The following SHISA9 variants were observed in gnomAD, a reference collection of about 807,000 sequenced individuals.
SHISA9 encodes the protein protein shisa-9.
A neutral mutation model predicts 38.0 loss-of-function variants in SHISA9; 13 were observed. The observed-to-expected ratio is 0.34, with a 90% CI of 0.22 to 0.54. The LOEUF (loss-of-function observed/expected upper bound fraction) is 0.54. SHISA9 is among the 20% of genes least tolerant of loss of function. SHISA9 has a pLI of 0.91. For synonymous variants in SHISA9, 275 were observed against 242.0 expected, an observed-to-expected ratio of 1.14 and a Z score of -1.27; for missense variants, 538 against 575.8, an observed-to-expected ratio of 0.93 and a Z score of 0.67.
chr16:13,412,939 T>C, the SHISA9 span, among the ~76,000 whole-genome samples: 8 of 152,054 alleles, frequency 5.3e-5, no homozygotes, highest in Non-Finnish European at 7.4e-5. Flanking sequence ...AAATGTGATA[T>C]GCTTTGGAAA....
chr16:13,227,266 A>C (rs182659086), intron 4 of SHISA9, among the ~76,000 whole-genome samples: 24 of 152,370 alleles, frequency 1.6e-4, no homozygotes, highest in Non-Finnish European at 3.2e-4. Context: ...AATGGATTAC[A>C]GGAGGTGAAA....
In SHISA9 at chr16:13,177,773, G is replaced by A. The variant is rs180785670; in HGVS notation, c.692-25621G>A. Among the ~76,000 whole-genome samples the A allele has an allele frequency of 1.3e-3, 205 of 152,178 alleles. 1 individual carries two copies. Among genetic ancestry groups the A allele is most frequent in the Non-Finnish European group, 1.5e-3 (104 of 68,002 alleles). ...CAACCTCTGCCTCCTGTGTTCAAGC[G>A]ATTCTCCTGCCTCAGCCTCCCGAGT... On this transcript the variant is annotated intron_variant, in intron 2 of 4. Transcript: ENST00000558583.
the SHISA9 span, among the ~76,000 whole-genome samples, chr16:13,354,628 A>G: frequency 1.4e-4 from 20 of 143,978 alleles, no homozygotes; most frequent in Admixed American, 1.3e-3. Context: ...GAGGGCCTCT[A>G]AAAGTATTAA....
At chr16:13,368,279 A>C in the SHISA9 span, among the ~76,000 whole-genome samples, 3 of 152,138 alleles carry the variant, frequency 2.0e-5, no homozygotes, top group African/African-American at 7.2e-5. Context: ...GTGAGGTGAG[A>C]AAAGGGGGAT....
intron 4 of SHISA9, among the ~76,000 whole-genome samples, chr16:13,230,247 G>T (rs576615750): frequency 6.6e-6 from 1 of 152,188 alleles, no homozygotes; most frequent in Admixed American, 6.5e-5. Flanking sequence ...AGTACATGGT[G>T]GGTACCTGTT....
intron 1 of SHISA9, chr16:12,910,782 A>T (rs1333727105): frequency 1.0e-6 from 1 of 963,970 alleles, no homozygotes; most frequent in Non-Finnish European, 1.2e-6. Flanking sequence ...GAGATTCATT[A>T]TAAGGAATTG....
At chr16:13,379,132 T>C in the SHISA9 span, among the ~76,000 whole-genome samples, 3 of 152,288 alleles carry the variant, frequency 2.0e-5, no homozygotes, top group East Asian at 5.8e-4. Flanking sequence ...GCTGGAAAGC[T>C]GCTTAACTCA....
chr16:12,963,073 C>A (rs2071931803), intron 2 of SHISA9, among the ~76,000 whole-genome samples: 1 of 152,222 alleles, frequency 6.6e-6, no homozygotes, highest in African/African-American at 2.4e-5. Context: ...CACAATCACA[C>A]CCCTTTCTGC....
downstream of SHISA9, among the ~76,000 whole-genome samples, chr16:13,242,902 C>T (rs1051464388): frequency 6.6e-6 from 1 of 152,128 alleles, no homozygotes; most frequent in Non-Finnish European, 1.5e-5. Context: ...GCCAGGTACT[C>T]GGTGTAGACC....
At chr16:13,536,213 G>C in the SHISA9 span, among the ~76,000 whole-genome samples, 1 of 152,102 alleles carries the variant, frequency 6.6e-6, no homozygotes, top group African/African-American at 2.4e-5. Context: ...TGGCCAGGCT[G>C]GTCTCAAATT....
intron 3 of SHISA9, among the ~76,000 whole-genome samples, chr16:13,204,183 TTCTA>T (rs1057506990): frequency 6.6e-6 from 1 of 150,676 alleles, no homozygotes; most frequent in African/African-American, 2.4e-5. Flanking sequence ...TCTATCATCT[TTCTA>T]TCTACCTATT....
At chr16:13,015,910 T>TTCTTTCTTTCTTTC in intron 2 of SHISA9, among the ~76,000 whole-genome samples, 1 of 107,802 alleles carries the variant, frequency 9.3e-6, no homozygotes, top group South Asian at 3.3e-4. Flanking sequence ...TTCTTTCTTT[T>TTCTTTCTTTCTTTC]CTTTCTTTCT....
the SHISA9 span, among the ~76,000 whole-genome samples, chr16:13,520,694 C>T: frequency 2.7e-5 from 4 of 149,968 alleles, no homozygotes; most frequent in African/African-American, 9.8e-5. Context: ...AGCAGAAAAG[C>T]CAAGGAGAAG....
chr16:13,525,909 T>C, the SHISA9 span, among the ~76,000 whole-genome samples: 6 of 152,226 alleles, frequency 3.9e-5, no homozygotes, highest in African/African-American at 1.4e-4. Context: ...AGGGCAGATG[T>C]TGTAATTGTC....
intron 2 of SHISA9, among the ~76,000 whole-genome samples, chr16:12,978,397 T>A (rs1021604731): frequency 3.9e-5 from 6 of 152,222 alleles, no homozygotes; most frequent in Non-Finnish European, 8.8e-5. Context: ...GAGTAGATGT[T>A]GATTGTAACT....
chr16:13,269,690 A>T, the SHISA9 span, among the ~76,000 whole-genome samples: 1 of 152,198 alleles, frequency 6.6e-6, no homozygotes, highest in Non-Finnish European at 1.5e-5. Flanking sequence ...AGGAGACAGT[A>T]TATGCTAAGG....
chr16:13,124,050 C>T (rs975795679), intron 2 of SHISA9, among the ~76,000 whole-genome samples: 1 of 152,184 alleles, frequency 6.6e-6, no homozygotes, highest in Non-Finnish European at 1.5e-5. Flanking sequence ...AAAGTCCTAA[C>T]CGGAAGACAC....
chr16:13,121,144 G>T (rs898683276), intron 2 of SHISA9, among the ~76,000 whole-genome samples: 1 of 151,828 alleles, frequency 6.6e-6, no homozygotes, highest in Non-Finnish European at 1.5e-5. Context: ...TGGGCCACAG[G>T]GGGAGACCCC....
rs577024680 is a variant in SHISA9 at position 13,146,033 on chromosome 16, C to G, written c.692-57361C>G. Reference sequence around the variant, plus strand: ...CAAAACCCTGTCTTTACTAAAGATACAAAAATTAGCGAGGTGTGGTGGTGT... The same window carrying G: ...CAAAACCCTGTCTTTACTAAAGATAGAAAAATTAGCGAGGTGTGGTGGTGT... On this transcript the variant is annotated intron_variant, in intron 2 of 4. Coordinates refer to ENST00000558583, the MANE Select transcript of SHISA9 (RefSeq NM_001145204.3). Among the ~76,000 whole-genome samples the G allele has an allele frequency of 3.9e-4, 60 of 152,244 alleles. 2 individuals carry two copies. The South Asian group carries it at 9.8e-3, about 25-fold the overall frequency.
Sources: allele counts gnomAD v4.1 joint callset (sites outside exome capture counted in the v4.1 genomes callset), GRCh38; gene constraint gnomAD v4.1.1; transcripts MANE v1.5; gene names NCBI Gene and HGNC (gene_info 2026-07-23, HGNC 2026-07-21).